Variants in CACNB4 observed in about 807,000 individuals in gnomAD.
The protein encoded by CACNB4 is calcium voltage-gated channel auxiliary subunit beta 4.
A neutral mutation model predicts 71.2 loss-of-function variants in CACNB4; 32 were observed. The observed-to-expected ratio is 0.45, with a 90% CI of 0.34 to 0.60. The LOEUF (loss-of-function observed/expected upper bound fraction) is 0.60, where lower values mean the gene tolerates loss of function less well. Ranked by LOEUF, CACNB4 falls within the 20% of genes least tolerant of loss-of-function variation. The probability of loss-of-function intolerance (pLI) is 0.01; values close to 1 mark genes in which losing one functional copy is unlikely to be tolerated. For missense variants in CACNB4, 464 were observed against 647.9 expected, an observed-to-expected ratio of 0.72 and a Z score of 3.08; for synonymous variants, 231 against 236.9, an observed-to-expected ratio of 0.97 and a Z score of 0.23.
intron 2 of CACNB4, among the ~76,000 whole-genome samples, chr2:152,030,935 G>C (rs578090948): frequency 2.6e-5 from 4 of 152,298 alleles, no homozygotes; most frequent in African/African-American, 9.6e-5. Flanking sequence ...AGCAAGGTTG[G>C]GGAAAGATGA....
At chr2:151,907,090 A>T (rs899008087) in intron 2 of CACNB4, among the ~76,000 whole-genome samples, 3 of 152,054 alleles carry the variant, frequency 2.0e-5, no homozygotes, top group African/African-American at 7.2e-5. Flanking sequence ...TAAACTCAGT[A>T]CCTAGTTTTA....
At chr2:152,037,900 G>T (rs753882458) in intron 2 of CACNB4, among the ~76,000 whole-genome samples, 5 of 152,222 alleles carry the variant, frequency 3.3e-5, no homozygotes, top group East Asian at 1.9e-4. Context: ...AACTGCTACA[G>T]CAGGGAGCTG....
At chr2:151,849,563 A>T (rs1021533487) in intron 12 of CACNB4, among the ~76,000 whole-genome samples, 42 of 152,116 alleles carry the variant, frequency 2.8e-4, no homozygotes, top group African/African-American at 9.9e-4. Context: ...GGCACTCACC[A>T]TGCACCCAGC....
chr2:152,061,640 G>A (rs576045503), intron 2 of CACNB4, among the ~76,000 whole-genome samples: 2,800 of 115,270 alleles, frequency 0.024, 85 homozygotes, highest in African/African-American at 0.092. Flanking sequence ...GCTTCTCAAA[G>A]CAAAAAAAAA....
Position 151,869,704 on chromosome 2 carries a change from C to T in CACNB4, c.700-469G>A, listed in dbSNP as rs373385720. The T allele has an allele frequency of 2.7e-3, 449 of 166,420 alleles. 6 individuals carry two copies. The highest frequency in any genetic ancestry group is 6.1e-3 in the Admixed American group (102 of 16,770). 10.3% of individuals were successfully genotyped at this position (166,420 alleles called of 1,614,324 possible). Reference sequence around the variant, plus strand: ...CCCATGGCTGGATTTTTGTAGACCACTCTCCTGCTCATCCCTCTGACATTT... The same window carrying T: ...CCCATGGCTGGATTTTTGTAGACCATTCTCCTGCTCATCCCTCTGACATTT... On this transcript the variant is annotated intron_variant, in intron 8 of 13. Coordinates refer to ENST00000539935, the MANE Select transcript of CACNB4 (RefSeq NM_000726.5).
chr2:151,993,419 A>G (rs1199448675), intron 2 of CACNB4, among the ~76,000 whole-genome samples: 2 of 152,198 alleles, frequency 1.3e-5, no homozygotes, highest in Non-Finnish European at 2.9e-5. Flanking sequence ...GCAAAGTGCC[A>G]AAGCAAGGAT....
At chr2:151,946,055 G>A (rs1395609381) in intron 2 of CACNB4, among the ~76,000 whole-genome samples, 1 of 152,048 alleles carries the variant, frequency 6.6e-6, no homozygotes, top group Non-Finnish European at 1.5e-5. Flanking sequence ...AAGGCCAGGT[G>A]CGGTGGCTCA....
intron 2 of CACNB4, among the ~76,000 whole-genome samples, chr2:152,043,372 G>A (rs1418796009): frequency 1.3e-5 from 2 of 152,160 alleles, no homozygotes; most frequent in African/African-American, 4.8e-5. Flanking sequence ...ATCTAGGCTG[G>A]AATGCAGTGG....
At chr2:151,843,998 A>G (rs925832208) in intron 12 of CACNB4, among the ~76,000 whole-genome samples, 4 of 152,222 alleles carry the variant, frequency 2.6e-5, no homozygotes, top group Non-Finnish European at 5.9e-5. Context: ...CTTCAGTCCA[A>G]ATGGACTCAT....
At chr2:152,069,912 G>A (rs976808628) in intron 2 of CACNB4, among the ~76,000 whole-genome samples, 4 of 146,716 alleles carry the variant, frequency 2.7e-5, no homozygotes, top group South Asian at 2.2e-4. Flanking sequence ...GCACGATCTC[G>A]GCTCACTGCA....
intron 2 of CACNB4, among the ~76,000 whole-genome samples, chr2:152,020,770 G>C (rs1683617167): frequency 6.6e-6 from 1 of 152,090 alleles, no homozygotes; most frequent in South Asian, 2.1e-4. Flanking sequence ...GAGGAAGCCG[G>C]GGAAAGGAAA....
At chr2:151,959,791 T>C (rs2099869185) in intron 2 of CACNB4, among the ~76,000 whole-genome samples, 1 of 152,216 alleles carries the variant, frequency 6.6e-6, no homozygotes, top group African/African-American at 2.4e-5. Context: ...CAGAACAATA[T>C]CATATTTATC....
chr2:152,081,858 A>G (rs1157526803), intron 2 of CACNB4, among the ~76,000 whole-genome samples: 1 of 152,270 alleles, frequency 6.6e-6, no homozygotes, highest in African/African-American at 2.4e-5. Context: ...TGTATGTGCA[A>G]ATATCAGGCC....
intron 2 of CACNB4, among the ~76,000 whole-genome samples, chr2:152,084,333 G>T (rs1687530426): frequency 6.6e-6 from 1 of 152,200 alleles, no homozygotes; most frequent in Non-Finnish European, 1.5e-5. Flanking sequence ...GAAGAGTACA[G>T]TGCTGAAAAA....
chr2:152,013,116 C>CTA (rs940174656), intron 2 of CACNB4, among the ~76,000 whole-genome samples: 1 of 152,198 alleles, frequency 6.6e-6, no homozygotes, highest in Non-Finnish European at 1.5e-5. Flanking sequence ...GAGCAACAGG[C>CTA]TATACCACAT....
chr2:152,023,938 C>G (rs541730966), intron 2 of CACNB4, among the ~76,000 whole-genome samples: 1 of 152,330 alleles, frequency 6.6e-6, no homozygotes, highest in Admixed American at 6.5e-5. Flanking sequence ...ACCATGGTGA[C>G]AATTTACATT....
At chr2:151,895,093 G>GCC (rs1386086990) in intron 2 of CACNB4, among the ~76,000 whole-genome samples, 4,932 of 25,520 alleles carry the variant, frequency 0.19, 256 homozygotes, top group South Asian at 0.32. Flanking sequence ...AACTCAAATA[G>GCC]CCCCACACAC....
At chr2:151,966,273 T>C (rs956002342) in intron 2 of CACNB4, among the ~76,000 whole-genome samples, 1 of 151,280 alleles carries the variant, frequency 6.6e-6, no homozygotes, top group African/African-American at 2.4e-5. Flanking sequence ...CTTTCTTTCT[T>C]TTTCTTTTAT....
intron 2 of CACNB4, among the ~76,000 whole-genome samples, chr2:151,933,435 T>C (rs1425013755): frequency 2.6e-5 from 4 of 152,122 alleles, no homozygotes; most frequent in East Asian, 1.9e-4. Context: ...GAGCTGTACA[T>C]GCATTATTTT....
Sources: gnomAD v4.1 joint callset for allele counts (sites outside exome capture counted in the v4.1 genomes callset) on GRCh38, gnomAD v4.1.1 for gene constraint, MANE v1.5 for transcripts, NCBI Gene and HGNC (gene_info 2026-07-23, HGNC 2026-07-21) for gene names.